KCTD17: variants seen among roughly 807,000 people sequenced by gnomAD.
The protein encoded by KCTD17 is potassium channel tetramerization domain containing 17, also known as BTB/POZ domain-containing protein KCTD17.
In KCTD17, 20 loss-of-function variants were observed where a neutral mutation model predicts 41.5. The observed-to-expected ratio is 0.48, with a 90% CI of 0.34 to 0.70. The LOEUF (loss-of-function observed/expected upper bound fraction) is 0.70, where lower values mean the gene tolerates loss of function less well. Among genes scored for constraint, KCTD17 ranks in the 30% least tolerant of loss-of-function variants. The pLI is 0.01. For synonymous variants in KCTD17, 156 were observed against 173.8 expected (o/e 0.90, Z 0.80); for missense variants, 317 against 427.2 (o/e 0.74, Z 2.27).
chr22:37,061,462 C>CT lies in KCTD17; in HGVS notation c.785-76dup. 1 of 1,530,190 alleles carries CT rather than the reference C, an allele frequency of 6.5e-7. No homozygotes were observed. Among genetic ancestry groups the CT allele is most frequent in the Non-Finnish European group, 8.8e-7 (1 of 1,140,732 alleles). 94.8% of individuals were successfully genotyped at this position (1,530,190 alleles called of 1,614,324 possible). The stretch of plus-strand genomic sequence containing the variant: ...TGCCCACTAACCCTGCCGGGCACCT[C>CT]TGAGACTGGGCCCTGGCTGCAGGCC... On this transcript the variant is annotated intron_variant, in intron 7 of 8. Transcript: ENST00000403888. This position sits in a 1 kb window ranked among gnomAD's most constrained non-coding sequence, Gnocchi z 6.6.
chr22:37,054,956 A>AT (rs1240604120), intron 2 of KCTD17: 3 of 152,142 alleles, frequency 2.0e-5, no homozygotes, highest in Admixed American at 2.0e-4. Context: ...AAAATCAGAA[A>AT]TTTATTTCTC....
At chr22:37,057,096 G>A (rs189290757) in intron 3 of KCTD17, among the ~76,000 whole-genome samples, 1 of 152,144 alleles carries the variant, frequency 6.6e-6, no homozygotes, top group Non-Finnish European at 1.5e-5. Context: ...CCGTGTTCCG[G>A]TTCTGTCTCC....
At chr22:37,062,435 T>G in intron 8 of KCTD17, 90 bp from the exon 9 acceptor site, 2 of 815,208 alleles carry the variant, frequency 2.5e-6, no homozygotes, top group Non-Finnish European at 3.2e-6. Flanking sequence ...GTCAATCTCC[T>G]CTCCGCCCCC....
intron 1 of KCTD17, chr22:37,052,254 C>T (rs1345803010): frequency 1.7e-5 from 7 of 415,566 alleles, no homozygotes; most frequent in Non-Finnish European, 3.2e-5. Flanking sequence ...GACCTTTCCT[C>T]CCTCCCAAAG....
At chr22:37,052,179 TC>T in intron 1 of KCTD17, 1 of 529,166 alleles carries the variant, frequency 1.9e-6, no homozygotes, top group Non-Finnish European at 3.1e-6. Flanking sequence ...CATTAGAAGC[TC>T]TCCAGCCGCC....
In KCTD17 at chr22:37,053,633, T is replaced by C. The variant is rs1045049801; in HGVS notation, c.298+425T>C. Among the ~76,000 whole-genome samples the C allele has an allele frequency of 7.2e-5, 11 of 152,188 alleles. No individual in the cohort carries two copies. Among genetic ancestry groups the C allele is most frequent in the African/African-American group, 1.2e-4 (5 of 41,436 alleles). On this transcript the variant is annotated intron_variant, in intron 2 of 8. Transcript: ENST00000403888. This position sits in a 1 kb window ranked among gnomAD's most constrained non-coding sequence, Gnocchi z 4.1. ...CTCTGGCTGATCCAGTATCTCAAAT[T>C]CTGCCTGGTGAGGGCTTGTAAGTGG...
Position 37,053,992 on chromosome 22 carries a change from T to C in KCTD17, c.298+784T>C, listed in dbSNP as rs1387643200. Reference sequence around the variant, plus strand: ...TCACTTCTCCTCACTGCGTCTCCACTGGTATCTATTCAATGGGGGCGGTGA... The same window carrying C: ...TCACTTCTCCTCACTGCGTCTCCACCGGTATCTATTCAATGGGGGCGGTGA... On this transcript the variant is annotated intron_variant, in intron 2 of 8. Coordinates refer to ENST00000403888, the MANE Select transcript of KCTD17 (RefSeq NM_001282684.2). The surrounding 1 kb of genome is among the most constrained non-coding windows in gnomAD (Gnocchi z 4.1). 6.6e-6 allele frequency among the ~76,000 whole-genome samples: 1 copy of C among 152,152 alleles called. No individual in the cohort carries two copies. The highest frequency in any genetic ancestry group is 1.5e-5 in the Non-Finnish European group (1 of 68,012).
intron 5 of KCTD17, among the ~76,000 whole-genome samples, chr22:37,060,028 C>T (rs577853408): frequency 1.4e-4 from 21 of 152,336 alleles, no homozygotes; most frequent in African/African-American, 5.1e-4. Context: ...TGTGTGTCCG[C>T]CTGGCCTGTT....
chr22:37,054,159 C>T (rs748704837), intron 2 of KCTD17, among the ~76,000 whole-genome samples: 2 of 152,186 alleles, frequency 1.3e-5, no homozygotes, highest in African/African-American at 2.4e-5. Flanking sequence ...GGCCACAACA[C>T]CAGAGTCCAC....
At chr22:37,055,552 C>G (rs1376168525) in intron 2 of KCTD17, among the ~76,000 whole-genome samples, 1 of 152,180 alleles carries the variant, frequency 6.6e-6, no homozygotes, top group East Asian at 1.9e-4. Context: ...TTCTGGGAGC[C>G]TAGGGGAGTC....
chr22:37,056,722 C>T (rs959957739), intron 3 of KCTD17, among the ~76,000 whole-genome samples: 2 of 152,206 alleles, frequency 1.3e-5, no homozygotes, highest in Admixed American at 6.5e-5. Flanking sequence ...CACACCCATC[C>T]CTTCCTCATA....
At position 37,053,735 on chromosome 22, in the gene KCTD17, G is replaced by T. The variant is rs1300041566; in HGVS notation, c.298+527G>T. 1.3e-5 allele frequency among the ~76,000 whole-genome samples: 2 copies of T among 152,164 alleles called. No individual in the cohort carries two copies. Among genetic ancestry groups the T allele is most frequent in the Non-Finnish European group, 2.9e-5 (2 of 68,014 alleles). On this transcript the variant is annotated intron_variant, in intron 2 of 8. Coordinates refer to ENST00000403888, the MANE Select transcript of KCTD17 (RefSeq NM_001282684.2). This position sits in a 1 kb window ranked among gnomAD's most constrained non-coding sequence, Gnocchi z 4.1. The stretch of plus-strand genomic sequence containing the variant: ...GGCTGTGGGTGGAGGCAGGAGAGGG[G>T]GGAGTCTGCTTCCCAGTGGGGCTTT...
At position 37,059,332 on chromosome 22, in the gene KCTD17, C is replaced by G. The variant is rs553067785; in HGVS notation, c.506C>G (p.Ser169Cys). Residue 169 changes from serine to cysteine, a missense_variant, in exon 5 of 9, where the codon TCC becomes TGC. By Grantham distance (112) the Ser-to-Cys change is moderately radical (BLOSUM62 -1). Transcript: ENST00000403888. Reference protein sequence around the residue: ...RFEQLVNIGSSYNYGSEDQAE... With the variant: ...RFEQLVNIGSCYNYGSEDQAE... Reference sequence around the variant, plus strand: ...CTCTAGCTGGTGAACATCGGCTCCTCCTACAACTACGGCAGCGAGGACCAG... The same window carrying G: ...CTCTAGCTGGTGAACATCGGCTCCTGCTACAACTACGGCAGCGAGGACCAG... 1.2e-6 allele frequency: 2 copies of G among 1,613,162 alleles called. No individual in the cohort carries two copies. The highest frequency in any genetic ancestry group is 4.5e-5 in the East Asian group (2 of 44,888).
chr22:37,062,535 C>T lies in KCTD17; in HGVS notation c.886C>T (p.Pro296Ser), dbSNP rs754379400. The T allele has an allele frequency of 1.9e-6, 3 of 1,613,184 alleles. No individual in the cohort carries two copies. In the Admixed American group the frequency reaches 5.0e-5, roughly 27 times the overall value. ...CTCTTTTTTTTCTAGCTGTTACAAGCCAGAGGCACCCGGATGTGAGGCCCC... is the reference window on the plus strand; with the variant it reads ...CTCTTTTTTTTCTAGCTGTTACAAGTCAGAGGCACCCGGATGTGAGGCCCC... The part of the protein sequence containing the change: ...PQSCHPCCYK[P>S]EAPGCEAPDH... Residue 296 changes from proline (P) to serine (S), a missense_variant, in exon 9 of 9, where the codon CCA (proline) becomes TCA (serine). Pro to Ser is a moderately conservative substitution (Grantham distance 74, BLOSUM62 -1). Transcript: ENST00000403888.
chr22:37,055,393 A>G (rs1601486696), intron 2 of KCTD17: 1 of 151,992 alleles, frequency 6.6e-6, no homozygotes, highest in African/African-American at 2.4e-5. Context: ...TGGGGACTCT[A>G]CCCCCATGAT....
At position 37,053,109 on chromosome 22, in the gene KCTD17, G is replaced by A; in HGVS notation, c.199G>A (p.Gly67Arg). Reference protein sequence around the residue: ...EELQSDRDETGAYLIDRDPTY... With the variant: ...EELQSDRDETRAYLIDRDPTY... ...TCCCTCACCTCCATAGGATGAGACC[G>A]GGGCCTACCTCATTGACCGTGACCC... The change falls in exon 2 of 9, where the codon GGG (glycine) becomes AGG (arginine). Residue 67 changes from glycine to arginine, a missense_variant. Transcript: ENST00000403888. This position sits in a 1 kb window ranked among gnomAD's most constrained non-coding sequence, Gnocchi z 4.1. The A allele has an allele frequency of 1.9e-6, 3 of 1,589,096 alleles. No homozygotes were observed. The highest frequency in any genetic ancestry group is 2.3e-5 in the East Asian group (1 of 43,462).
At chr22:37,060,134 G>A (rs974725368) in intron 5 of KCTD17, among the ~76,000 whole-genome samples, 2 of 152,192 alleles carry the variant, frequency 1.3e-5, no homozygotes, top group Non-Finnish European at 2.9e-5. Context: ...CAGTGCTGTG[G>A]GAAGTCCCAA....
Position 37,053,092 on chromosome 22 carries a change from C to A in KCTD17, c.190-8C>A, listed in dbSNP as rs111538548. On this transcript the variant is annotated splice_region_variant and splice_polypyrimidine_tract_variant and intron_variant, in intron 1 of 8. Coordinates refer to ENST00000403888, the MANE Select transcript of KCTD17 (RefSeq NM_001282684.2). This position sits in a 1 kb window ranked among gnomAD's most constrained non-coding sequence, Gnocchi z 4.1. ...TCTTCTCTCACCGAGCATCCCTCACCTCCATAGGATGAGACCGGGGCCTAC... is the reference window on the plus strand; with the variant it reads ...TCTTCTCTCACCGAGCATCCCTCACATCCATAGGATGAGACCGGGGCCTAC... 5.1e-6 allele frequency: 8 copies of A among 1,574,418 alleles called. No homozygotes were observed. In the African/African-American group the frequency reaches 9.5e-5, roughly 19 times the overall value.
chr22:37,057,261 C>CTGGGTGGTTGGCTG (rs1159549733), intron 3 of KCTD17, 137 bp from the exon 4 acceptor site: 1 of 732,120 alleles, frequency 1.4e-6, no homozygotes, highest in Non-Finnish European at 2.5e-6. Context: ...TGGCTGCCTC[C>CTGGGTGGTTGGCTG]CCCCAACCAC....
Sources: gnomAD v4.1 joint callset for allele counts (sites outside exome capture counted in the v4.1 genomes callset) on GRCh38, gnomAD v4.1.1 for gene constraint, Gnocchi (gnomAD v3.1) non-coding constraint, MANE v1.5 for transcripts, NCBI Gene and HGNC (gene_info 2026-07-23, HGNC 2026-07-21) for gene names.